The following MED17 variants were observed in gnomAD, a reference collection of about 807,000 sequenced individuals.
MED17 encodes mediator of RNA polymerase II transcription subunit 17.
Under a neutral mutation model 80.8 loss-of-function variants are expected in MED17, and 49 were observed. The ratio of observed to expected loss-of-function variants is 0.61; its 90% CI spans 0.48 to 0.77. The LOEUF is 0.77. MED17 is among the 30% of genes least tolerant of loss of function. The pLI is 0.00. For missense variants in MED17, 718 were observed against 787.0 expected (o/e 0.91, Z 1.05); for synonymous variants, 281 against 280.4 (o/e 1.00, Z -0.02).
chr11:93,806,519 A>G (rs1284117348), intron 9 of MED17: 1 of 152,134 alleles, frequency 6.6e-6, no homozygotes. Flanking sequence ...TGGCTATTGT[A>G]TGAGTTTCTT....
rs1943920701 is a variant in MED17, at chr11:93,797,819, T to G, written c.1328+100T>G. ...CTTTTTTGGGATGCTTTTGACTTTT[T>G]TATTTTAGGGAGAGGAGGTGGTAAG... On this transcript the variant is annotated intron_variant, in intron 8 of 11. Coordinates refer to ENST00000251871, the MANE Select transcript of MED17 (RefSeq NM_004268.5). 21 of 1,113,002 alleles carry G rather than the reference T, an allele frequency of 1.9e-5. No homozygotes were observed. The South Asian group carries it at 2.9e-4, about 15-fold the overall frequency. The allele number at this position is 1,113,002 out of a possible 1,614,324, so 68.9% of individuals were successfully genotyped here. A position where few individuals can be genotyped will look rare whatever the true frequency, so the allele number is the denominator to read the frequency against.
chr11:93,812,296 A>G lies in MED17; in HGVS notation c.*232A>G. 1.7e-6 allele frequency: 1 copy of G among 576,294 alleles called. No homozygotes were observed. Among genetic ancestry groups the G allele is most frequent in the Non-Finnish European group, 3.0e-6 (1 of 328,696 alleles). 35.7% of individuals were successfully genotyped at this position (576,294 alleles called of 1,614,324 possible). A position where few individuals can be genotyped will look rare whatever the true frequency, so the allele number is the denominator to read the frequency against. On this transcript the variant is annotated 3_prime_UTR_variant, in exon 12 of 12. Transcript: ENST00000251871. ...ATACAGTATGACAAGATGTAAAATAATATGTTTTTCATGCAGTTTAAAATA... is the reference window on the plus strand; with the variant it reads ...ATACAGTATGACAAGATGTAAAATAGTATGTTTTTCATGCAGTTTAAAATA...
At chr11:93,794,215 T>C in intron 5 of MED17, 180 bp downstream of exon 5, 1 of 506,610 alleles carries the variant, frequency 2.0e-6, no homozygotes, top group South Asian at 2.1e-5. Flanking sequence ...TTTTTTTTTT[T>C]TTTTTTGAGA....
Position 93,813,511 on chromosome 11 carries a change from A to G in MED17, c.*1447A>G, listed in dbSNP as rs1422681887. 6.6e-6 allele frequency: 1 copy of G among 152,230 alleles called. No homozygotes were observed. The highest frequency in any genetic ancestry group is 1.5e-5 in the Non-Finnish European group (1 of 68,040). The allele number at this position is 152,230 out of a possible 1,614,324, so 9.4% of individuals were successfully genotyped here. ...GGCTAATCTGCACAATTCCACTCACATAAGGAGTCTTTTATGTGATTTTGA... is the reference window on the plus strand; with the variant it reads ...GGCTAATCTGCACAATTCCACTCACGTAAGGAGTCTTTTATGTGATTTTGA... On this transcript the variant is annotated 3_prime_UTR_variant, in exon 12 of 12. Transcript: ENST00000251871.
At chr11:93,790,222 CA>C in intron 2 of MED17, 3 of 367,716 alleles carry the variant, frequency 8.2e-6, no homozygotes, top group South Asian at 2.2e-5. Flanking sequence ...TAATGAGTGC[CA>C]AAAAGGTTAT....
At chr11:93,803,530 G>C (rs995185371) in intron 9 of MED17, among the ~76,000 whole-genome samples, 16 of 152,118 alleles carry the variant, frequency 1.1e-4, no homozygotes, top group African/African-American at 3.6e-4. Flanking sequence ...GAGAAAGTAG[G>C]TGTTAAACAT....
intron 6 of MED17, 154 bp downstream of exon 6, chr11:93,795,214 A>G: frequency 1.2e-6 from 1 of 858,552 alleles, no homozygotes; most frequent in Non-Finnish European, 1.9e-6. Flanking sequence ...TGTAACACAA[A>G]CTATACTGTG....
chr11:93,787,720 A>C (rs968670239), intron 1 of MED17, among the ~76,000 whole-genome samples: 4 of 152,228 alleles, frequency 2.6e-5, no homozygotes, highest in Non-Finnish European at 4.4e-5. Context: ...GATTATTAAA[A>C]AGGTTTACAT....
intron 3 of MED17, among the ~76,000 whole-genome samples, chr11:93,792,964 A>T (rs1186143971): frequency 1.3e-5 from 2 of 151,672 alleles, no homozygotes; most frequent in African/African-American, 4.8e-5. Context: ...AAAAATAAAA[A>T]ATCTAGGAAA....
intron 1 of MED17, among the ~76,000 whole-genome samples, chr11:93,785,890 G>C (rs1943764618): frequency 6.6e-6 from 1 of 152,150 alleles, no homozygotes; most frequent in Non-Finnish European, 1.5e-5. Context: ...TGTGGTCCCA[G>C]CTACTGGGGA....
At chr11:93,801,596 A>C (rs1943962390) in intron 8 of MED17, 1 of 490,534 alleles carries the variant, frequency 2.0e-6, no homozygotes, top group African/African-American at 1.9e-5. Context: ...ATCATGAATC[A>C]TGATAATCAG....
At chr11:93,796,612 C>G in intron 7 of MED17, 72 bp downstream of exon 7, 1 of 1,538,162 alleles carries the variant, frequency 6.5e-7, no homozygotes, top group African/African-American at 1.4e-5. Flanking sequence ...CAAAGCTCCT[C>G]TCGTCTGCTG....
intron 1 of MED17, 71 bp downstream of exon 1, chr11:93,784,834 C>A: frequency 1.3e-6 from 2 of 1,522,852 alleles, no homozygotes; most frequent in South Asian, 1.2e-5. Context: ...CCGCCTCTCC[C>A]GCGATGGGGG....
At chr11:93,795,299 A>T in intron 6 of MED17, 1 of 559,160 alleles carries the variant, frequency 1.8e-6, no homozygotes, top group Non-Finnish European at 3.2e-6. Flanking sequence ...TTATGTAGTC[A>T]TTATTGTGGT....
intron 2 of MED17, chr11:93,788,733 A>G (rs1943799660): frequency 6.5e-6 from 1 of 152,770 alleles, no homozygotes. Context: ...AATCTTAACA[A>G]ATTCTTATAG....
chr11:93,812,328 ACTTAAGGGTTTCTATGTG>A lies in MED17; in HGVS notation c.*268_*285del. ...TTTCATGCAGTTTAAAATATTACTA[ACTTAAGGGTTTCTATGTG>A]CTTTTTAAAATATTCCTTCTTTGAT... On this transcript the variant is annotated 3_prime_UTR_variant, in exon 12 of 12. Transcript: ENST00000251871. 1 of 534,640 alleles carries A rather than the reference ACTTAAGGGTTTCTATGTG, an allele frequency of 1.9e-6. No homozygotes were observed. Among genetic ancestry groups the A allele is most frequent in the Non-Finnish European group, 3.3e-6 (1 of 306,098 alleles). The allele number at this position is 534,640 out of a possible 1,614,324, so 33.1% of individuals were successfully genotyped here. A position where few individuals can be genotyped will look rare whatever the true frequency, so the allele number is the denominator to read the frequency against.
chr11:93,800,351 T>C (rs961592802), intron 8 of MED17, among the ~76,000 whole-genome samples: 37 of 151,946 alleles, frequency 2.4e-4, no homozygotes, highest in Non-Finnish European at 1.6e-4. Flanking sequence ...AGGTGAGGCG[T>C]GGCATGGTGG....
At position 93,814,641 on chromosome 11, in the gene MED17, A is replaced by G. The variant is rs1384506132; in HGVS notation, c.*2577A>G. The G allele has an allele frequency of 1.3e-5, 2 of 152,246 alleles. No homozygotes were observed. Among genetic ancestry groups the G allele is most frequent in the African/African-American group, 4.8e-5 (2 of 41,468 alleles). The allele number at this position is 152,246 out of a possible 1,614,324, so 9.4% of individuals were successfully genotyped here. On this transcript the variant is annotated 3_prime_UTR_variant, in exon 12 of 12. Coordinates refer to ENST00000251871, the MANE Select transcript of MED17 (RefSeq NM_004268.5). ...TAAATGTTAAATTCTAAAGTACTACATAAATATAAAGCATTAAGCAAGTGT... is the reference window on the plus strand; with the variant it reads ...TAAATGTTAAATTCTAAAGTACTACGTAAATATAAAGCATTAAGCAAGTGT...
chr11:93,796,845 C>G (rs959098829), intron 7 of MED17: 4 of 380,598 alleles, frequency 1.1e-5, no homozygotes, highest in African/African-American at 8.3e-5. Context: ...AAATGTCTTG[C>G]CAGAGTCTGT....
Sources: gnomAD v4.1 joint callset for allele counts (sites outside exome capture counted in the v4.1 genomes callset) on GRCh38, gnomAD v4.1.1 for gene constraint, MANE v1.5 for transcripts, NCBI Gene and HGNC (gene_info 2026-07-23, HGNC 2026-07-21) for gene names.